FHAD1: variants seen among roughly 807,000 people sequenced by gnomAD.
FHAD1 encodes forkhead associated phosphopeptide binding domain 1.
Under a neutral mutation model 191.3 loss-of-function variants are expected in FHAD1, and 146 were observed. The observed-to-expected ratio is 0.76, with a 90% CI of 0.67 to 0.88. FHAD1 has a LOEUF of 0.88. Among genes scored for constraint, FHAD1 ranks in the 40% least tolerant of loss-of-function variants. The pLI, the probability that FHAD1 is intolerant of heterozygous loss-of-function variation, is 0.00. For synonymous variants in FHAD1, 616 were observed against 672.3 expected (o/e 0.92, Z 1.29); for missense variants, 1,635 against 1,785.8 (o/e 0.92, Z 1.52).
At position 15,289,024 on chromosome 1, in the gene FHAD1, G is replaced by A. The variant is rs933328789; in HGVS notation, c.301-375G>A. 4.6e-5 allele frequency among the ~76,000 whole-genome samples: 7 copies of A among 152,076 alleles called. No individual in the cohort carries two copies. Among genetic ancestry groups the A allele is most frequent in the African/African-American group, 1.4e-4 (6 of 41,406 alleles). On this transcript the variant is annotated intron_variant, in intron 3 of 33. Coordinates refer to ENST00000688493, the MANE Select transcript of FHAD1 (RefSeq NM_001391957.1). This position sits in a 1 kb window ranked among gnomAD's most constrained non-coding sequence, Gnocchi z 4.2. Reference sequence around the variant, plus strand: ...TTTTGAGACAGAGTCTCATTCTGTCGCCCAGGATGGAGTGCAGTGGTGCTA... The same window carrying A: ...TTTTGAGACAGAGTCTCATTCTGTCACCCAGGATGGAGTGCAGTGGTGCTA...
At chr1:15,283,119 A>C (rs937359904) in intron 3 of FHAD1, among the ~76,000 whole-genome samples, 1 of 152,246 alleles carries the variant, frequency 6.6e-6, no homozygotes, top group Admixed American at 6.5e-5. Context: ...TGGTTTATGC[A>C]GAAATTTCCA....
chr1:15,240,272 G>A (rs1383915564), intron 1 of FHAD1, among the ~76,000 whole-genome samples: 3 of 152,172 alleles, frequency 2.0e-5, no homozygotes, highest in Non-Finnish European at 4.4e-5. Context: ...ACCCAGCAAG[G>A]AGCTGAGGCT....
chr1:15,238,602 G>A (rs1645035487), intron 1 of FHAD1, among the ~76,000 whole-genome samples: 1 of 152,202 alleles, frequency 6.6e-6, no homozygotes, highest in Non-Finnish European at 1.5e-5. Flanking sequence ...AGCCACCCCA[G>A]GCAGAGACTG....
In FHAD1 at chr1:15,316,552, C is replaced by T. The variant is rs1674524644; in HGVS notation, c.1260+85C>T. Reference sequence around the variant, plus strand: ...TTCTTGGTGGGATCCTGGGCCATCACTAAGCATGAAGCTCTGGGGCTCTGT... The same window carrying T: ...TTCTTGGTGGGATCCTGGGCCATCATTAAGCATGAAGCTCTGGGGCTCTGT... On this transcript the variant is annotated intron_variant, in intron 9 of 33. Coordinates refer to ENST00000688493, the MANE Select transcript of FHAD1 (RefSeq NM_001391957.1). This position sits in a 1 kb window ranked among gnomAD's most constrained non-coding sequence, Gnocchi z 4.3. 9 of 1,130,364 alleles carry T rather than the reference C, an allele frequency of 8.0e-6. No homozygotes were observed. In the South Asian group the frequency reaches 9.5e-5, roughly 12 times the overall value. The allele number at this position is 1,130,364 out of a possible 1,614,324, so 70.0% of individuals were successfully genotyped here.
intron 4 of FHAD1, among the ~76,000 whole-genome samples, chr1:15,295,730 G>T (rs903413107): frequency 6.6e-6 from 1 of 152,200 alleles, no homozygotes; most frequent in African/African-American, 2.4e-5. Flanking sequence ...TGGGGGGCCA[G>T]CTGTATCTAT....
chr1:15,236,698 G>A (rs893733449), exon 1 of FHAD1, among the ~76,000 whole-genome samples: 2 of 152,240 alleles, frequency 1.3e-5, no homozygotes, highest in Non-Finnish European at 2.9e-5. Context: ...AAGTATTGCT[G>A]AGGAGCCAGA....
Position 15,276,062 on chromosome 1 carries a change from G to A in FHAD1, c.300+3533G>A, listed in dbSNP as rs1469625433. On this transcript the variant is annotated intron_variant, in intron 3 of 33. Coordinates refer to ENST00000688493, the MANE Select transcript of FHAD1 (RefSeq NM_001391957.1). The surrounding 1 kb of genome is among the most constrained non-coding windows in gnomAD (Gnocchi z 4.7). The stretch of plus-strand genomic sequence containing the variant: ...TTGTAGACATCACAGTGGCTAGCGT[G>A]GGTGTCCTGAAGTTCAAGTGAGTCT... 6.6e-6 allele frequency among the ~76,000 whole-genome samples: 1 copy of A among 152,198 alleles called. No individual in the cohort carries two copies. Among genetic ancestry groups the A allele is most frequent in the Admixed American group, 6.5e-5 (1 of 15,286 alleles).
chr1:15,328,281 T>G lies in FHAD1; in HGVS notation c.1562T>G (p.Ile521Arg). ...RDKPVTDQQL[I>R]EKITQVTEDN... ...CCTTTTTCTTTTTCTCACCAGTTAATAGAGAAAATTACCCAGGTCACTGAG... is the reference window on the plus strand; with the variant it reads ...CCTTTTTCTTTTTCTCACCAGTTAAGAGAGAAAATTACCCAGGTCACTGAG... The change falls in exon 13 of 34, where the codon ATA (isoleucine) becomes AGA (arginine). Residue 521 changes from isoleucine to arginine, a missense_variant. Physicochemically the swap from Ile to Arg is moderately conservative, Grantham distance 97. Transcript: ENST00000688493. 1.4e-6 allele frequency: 2 copies of G among 1,445,434 alleles called. No homozygotes were observed. Among genetic ancestry groups the G allele is most frequent in the Non-Finnish European group, 1.8e-6 (2 of 1,093,958 alleles). 89.5% of individuals were successfully genotyped at this position (1,445,434 alleles called of 1,614,324 possible).
At chr1:15,236,935 T>C (rs1423716439) in intron 1 of FHAD1, among the ~76,000 whole-genome samples, 4 of 152,198 alleles carry the variant, frequency 2.6e-5, no homozygotes, top group Admixed American at 6.5e-5. Context: ...CCTCGTGCTG[T>C]TCTCTTGACA....
chr1:15,379,490 C>T (rs1339028602), intron 28 of FHAD1, among the ~76,000 whole-genome samples: 1 of 152,170 alleles, frequency 6.6e-6, no homozygotes, highest in Admixed American at 6.5e-5. Flanking sequence ...GGGCAGGAGA[C>T]AGATGCCTTC....
rs1663892326 is a variant in FHAD1, at chr1:15,289,779, A to G, written c.568+113A>G. The G allele has an allele frequency of 7.2e-7, 1 of 1,394,316 alleles. No individual in the cohort carries two copies. The highest frequency in any genetic ancestry group is 1.5e-5 in the South Asian group (1 of 66,332). The allele number at this position is 1,394,316 out of a possible 1,614,324, so 86.4% of individuals were successfully genotyped here. The stretch of plus-strand genomic sequence containing the variant: ...AAGTAGAACATATTCAATTGTAAAA[A>G]ATGAAAATAAATTCAGGATAAGCAG... On this transcript the variant is annotated intron_variant, in intron 4 of 33. Coordinates refer to ENST00000688493, the MANE Select transcript of FHAD1 (RefSeq NM_001391957.1). This position sits in a 1 kb window ranked among gnomAD's most constrained non-coding sequence, Gnocchi z 4.2.
intron 14 of FHAD1, among the ~76,000 whole-genome samples, chr1:15,336,232 T>C (rs1399406152): frequency 6.6e-6 from 1 of 152,226 alleles, no homozygotes; most frequent in African/African-American, 2.4e-5. Context: ...ACATACTTCC[T>C]TACCAGGTTG....
chr1:15,312,030 G>C lies in FHAD1; in HGVS notation c.1040-1027G>C, dbSNP rs10927769. 47,610 of 152,202 alleles carry C rather than the reference G, an allele frequency of 0.31. 8,317 individuals carry two copies. The highest frequency in any genetic ancestry group is 0.48 in the South Asian group (2,323 of 4,828). The allele number at this position is 152,202 out of a possible 1,614,324, so 9.4% of individuals were successfully genotyped here. ...ACCATGTGTGTCCTTCCCTAGGGCTGCTTGAGTGTCCTCACAACATGGCGG... is the reference window on the plus strand; with the variant it reads ...ACCATGTGTGTCCTTCCCTAGGGCTCCTTGAGTGTCCTCACAACATGGCGG... On this transcript the variant is annotated intron_variant, in intron 7 of 33. Coordinates refer to ENST00000688493, the MANE Select transcript of FHAD1 (RefSeq NM_001391957.1). The surrounding 1 kb of genome is among the most constrained non-coding windows in gnomAD (Gnocchi z 4.7).
chr1:15,330,922 C>T (rs1165185290), intron 14 of FHAD1, among the ~76,000 whole-genome samples: 1 of 152,002 alleles, frequency 6.6e-6, no homozygotes, highest in Non-Finnish European at 1.5e-5. Flanking sequence ...CAGCATGGTG[C>T]CCCAGGAGCC....
rs1229318480 is a variant in FHAD1 at position 15,273,787 on chromosome 1, G to A, written c.300+1258G>A. 2.8e-4 allele frequency among the ~76,000 whole-genome samples: 43 copies of A among 152,180 alleles called. 1 individual carries two copies. The highest frequency in any genetic ancestry group is 2.9e-5 in the Non-Finnish European group (2 of 68,028). On this transcript the variant is annotated intron_variant, in intron 3 of 33. Transcript: ENST00000688493. ...CGTTTCTAAGGAACAGTTCAGTGTT[G>A]AGTGCATTCACATTGTGGCGCTGCT...
chr1:15,382,144 A>G lies in FHAD1; in HGVS notation c.4139A>G (p.His1380Arg). 6.4e-7 allele frequency: 1 copy of G among 1,551,954 alleles called. No homozygotes were observed. Among genetic ancestry groups the G allele is most frequent in the East Asian group, 2.4e-5 (1 of 40,884 alleles). Residue 1380 changes from histidine (H) to arginine (R), a missense_variant, in exon 31 of 34, where the codon CAC (histidine) becomes CGC (arginine). By Grantham distance (29) the His-to-Arg change is conservative (BLOSUM62 0). Coordinates refer to ENST00000688493, the MANE Select transcript of FHAD1 (RefSeq NM_001391957.1). ...AAGGAGGCCCTGGAGCGCATGGAGC[A>G]CCAGCTGTGCCAGGAGAAGAGGATC... Reference protein sequence around the residue: ...LLKEALERMEHQLCQEKRINR... With the variant: ...LLKEALERMERQLCQEKRINR...
Position 15,301,358 on chromosome 1 carries a change from GAGA to G in FHAD1, c.835_837del (p.Lys279del), listed in dbSNP as rs868352825. On this transcript the variant is annotated inframe_deletion, in exon 6 of 34. Coordinates refer to ENST00000688493, the MANE Select transcript of FHAD1 (RefSeq NM_001391957.1). The stretch of plus-strand genomic sequence containing the variant: ...AGAGACCACCACCTCCAGGCAGAAT[GAGA>G]AGGAGATCTCGCAGAAGTGTCAGGT... 2 of 1,551,656 alleles carry G rather than the reference GAGA, an allele frequency of 1.3e-6. No individual in the cohort carries two copies. Among genetic ancestry groups the G allele is most frequent in the African/African-American group, 1.4e-5 (1 of 73,060 alleles).
At position 15,395,269 on chromosome 1, in the gene FHAD1, C is replaced by T. The variant is rs991624110; in HGVS notation, c.4324-2028C>T. Reference sequence around the variant, plus strand: ...GCGGAGGTGAGCAGAGATCACGCCACTGCAGTCCAGCCTGGGCGACAGAGC... The same window carrying T: ...GCGGAGGTGAGCAGAGATCACGCCATTGCAGTCCAGCCTGGGCGACAGAGC... On this transcript the variant is annotated intron_variant, in intron 33 of 33. Transcript: ENST00000688493. Among the ~76,000 whole-genome samples the T allele has an allele frequency of 6.2e-5, 9 of 146,006 alleles. No homozygotes were observed. The East Asian group carries it at 8.1e-4, about 13-fold the overall frequency.
chr1:15,377,388 G>A (rs989551847), intron 28 of FHAD1, among the ~76,000 whole-genome samples: 1 of 152,022 alleles, frequency 6.6e-6, no homozygotes, highest in Admixed American at 6.6e-5. Context: ...CCTTCCCCTT[G>A]GCAGTGCTCC....
Sources: gnomAD v4.1 joint callset for allele counts (sites outside exome capture counted in the v4.1 genomes callset) on GRCh38, gnomAD v4.1.1 for gene constraint, Gnocchi (gnomAD v3.1) non-coding constraint, MANE v1.5 for transcripts, NCBI Gene and HGNC (gene_info 2026-07-23, HGNC 2026-07-21) for gene names.